TSPAN8: variants seen among roughly 807,000 people sequenced by gnomAD.
TSPAN8 encodes tetraspanin 8.
Under a neutral mutation model 32.8 loss-of-function variants are expected in TSPAN8, and 21 were observed. That is an observed-to-expected ratio of 0.64 (90% CI 0.45 to 0.92). TSPAN8 has a LOEUF of 0.92. Ranked by LOEUF, TSPAN8 falls within the 40% of genes least tolerant of loss-of-function variation. The probability of loss-of-function intolerance (pLI) is 0.00; values close to 1 mark genes in which losing one functional copy is unlikely to be tolerated. For missense variants in TSPAN8, 269 were observed against 281.9 expected, an observed-to-expected ratio of 0.95 and a Z score of 0.33; for synonymous variants, 95 against 94.6, an observed-to-expected ratio of 1.00 and a Z score of -0.03.
chr12:71,157,879 G>A (rs1325612105), intron 1 of TSPAN8, 51 bp downstream of exon 1: 9 of 561,354 alleles, frequency 1.6e-5, no homozygotes, highest in East Asian at 8.4e-5. Flanking sequence ...TTTAAATATC[G>A]CAAAGGCTAT....
At chr12:71,138,521 G>A (rs114199780) in intron 4 of TSPAN8, among the ~76,000 whole-genome samples, 1 of 152,152 alleles carries the variant, frequency 6.6e-6, no homozygotes, top group Non-Finnish European at 1.5e-5. Context: ...ACTTAGATGA[G>A]TTTATTTGAG....
At chr12:71,133,003 TTTACA>T (rs1231086090) in intron 6 of TSPAN8, among the ~76,000 whole-genome samples, 179 bp from the exon 7 acceptor site, 1 of 152,218 alleles carries the variant, frequency 6.6e-6, no homozygotes, top group Admixed American at 6.5e-5. Context: ...CATTTTGATC[TTTACA>T]TTAATGATGG....
At chr12:71,142,852 A>C (rs374884698) in intron 3 of TSPAN8, among the ~76,000 whole-genome samples, 53 of 150,584 alleles carry the variant, frequency 3.5e-4, no homozygotes, top group African/African-American at 1.2e-3. Context: ...AAAAACAAAA[A>C]AAAAAAAAAC....
chr12:71,143,914 G>C (rs1031107798), intron 3 of TSPAN8, among the ~76,000 whole-genome samples: 9 of 151,872 alleles, frequency 5.9e-5, no homozygotes, highest in Admixed American at 5.9e-4. Flanking sequence ...TTGAATTTTT[G>C]AATAACACCT....
chr12:71,126,487 G>C (rs11178639), intron 8 of TSPAN8, among the ~76,000 whole-genome samples: 49,307 of 151,696 alleles, frequency 0.33, 8,884 homozygotes, highest in Non-Finnish European at 0.42. Context: ...AATAGAAGCC[G>C]TCAATTTATC....
chr12:71,136,549 G>A (rs748298268), intron 6 of TSPAN8, among the ~76,000 whole-genome samples: 18 of 152,156 alleles, frequency 1.2e-4, no homozygotes, highest in Non-Finnish European at 2.2e-4. Context: ...TGATGCAAAG[G>A]CAGGAAGGCA....
chr12:71,145,463 A>G (rs1332692348), intron 2 of TSPAN8, among the ~76,000 whole-genome samples: 2 of 152,074 alleles, frequency 1.3e-5, no homozygotes. Flanking sequence ...CTCTTTAACC[A>G]CCAAATAACC....
At chr12:71,145,653 C>A (rs2137056970) in intron 2 of TSPAN8, among the ~76,000 whole-genome samples, 1 of 152,246 alleles carries the variant, frequency 6.6e-6, no homozygotes, top group South Asian at 2.1e-4. Context: ...TTTAGCAGTC[C>A]TTTGTTAAAC....
chr12:71,139,334 CT>C (rs1408169196), intron 4 of TSPAN8: 1 of 447,978 alleles, frequency 2.2e-6, no homozygotes, highest in Non-Finnish European at 4.3e-6. Flanking sequence ...ATCCCATCCC[CT>C]GTCTTGCCCT....
intron 8 of TSPAN8, among the ~76,000 whole-genome samples, chr12:71,127,317 T>A (rs890467353): frequency 2.0e-5 from 3 of 151,918 alleles, no homozygotes; most frequent in African/African-American, 7.3e-5. Context: ...ATAGACTGGG[T>A]GTCAGAAGAC....
At position 71,142,297 on chromosome 12, in the gene TSPAN8, C is replaced by G. The variant is rs186182506; in HGVS notation, c.123+1854G>C. Among the ~76,000 whole-genome samples, 4 of 152,300 alleles carry G rather than the reference C, an allele frequency of 2.6e-5. No homozygotes were observed. The East Asian group carries it at 7.7e-4, about 29-fold the overall frequency. ...AGCTCTATTAATTCATTCTTATCCCCAGATGTGGAGGAGCACCCTCTCAAG... is the reference window on the plus strand; with the variant it reads ...AGCTCTATTAATTCATTCTTATCCCGAGATGTGGAGGAGCACCCTCTCAAG... On this transcript the variant is annotated intron_variant, in intron 3 of 8. Transcript: ENST00000247829.
At chr12:71,147,194 A>G (rs1392208234) in intron 2 of TSPAN8, among the ~76,000 whole-genome samples, 1 of 152,168 alleles carries the variant, frequency 6.6e-6, no homozygotes, top group Non-Finnish European at 1.5e-5. Context: ...TGAAGACCAT[A>G]AAATATCAGG....
At chr12:71,142,657 A>G (rs1293306171) in intron 3 of TSPAN8, among the ~76,000 whole-genome samples, 1 of 152,162 alleles carries the variant, frequency 6.6e-6, no homozygotes, top group Non-Finnish European at 1.5e-5. Flanking sequence ...GTAGAAAACA[A>G]TAAGTGAAAT....
intron 2 of TSPAN8, among the ~76,000 whole-genome samples, chr12:71,146,924 G>T (rs917936035): frequency 6.6e-6 from 1 of 152,098 alleles, no homozygotes; most frequent in South Asian, 2.1e-4. Context: ...TGAAGATGGG[G>T]TTATAATCTG....
chr12:71,155,742 T>C (rs1411457923), intron 2 of TSPAN8, among the ~76,000 whole-genome samples: 1 of 152,014 alleles, frequency 6.6e-6, no homozygotes, highest in Non-Finnish European at 1.5e-5. Flanking sequence ...TAACATTTTT[T>C]TTTTTCTGAG....
chr12:71,152,024 A>C (rs562705610), intron 2 of TSPAN8, among the ~76,000 whole-genome samples: 1 of 152,346 alleles, frequency 6.6e-6, no homozygotes, highest in South Asian at 2.1e-4. Context: ...GTAAATGAAA[A>C]AGCAATTACG....
intron 3 of TSPAN8, among the ~76,000 whole-genome samples, chr12:71,142,707 A>T (rs1871939345): frequency 6.6e-6 from 1 of 152,112 alleles, no homozygotes; most frequent in South Asian, 2.1e-4. Flanking sequence ...TGCCACACCC[A>T]TCTCCCACCC....
intron 6 of TSPAN8, among the ~76,000 whole-genome samples, chr12:71,133,701 C>A (rs1319410307): frequency 2.0e-5 from 3 of 152,012 alleles, no homozygotes; most frequent in African/African-American, 7.2e-5. Context: ...AAGTTACAGT[C>A]CCAGAATAAA....
At chr12:71,153,015 T>G (rs1872307005) in intron 2 of TSPAN8, among the ~76,000 whole-genome samples, 1 of 152,220 alleles carries the variant, frequency 6.6e-6, no homozygotes, top group South Asian at 2.1e-4. Context: ...CTTTACAATT[T>G]GGCTCCTCCC....
Sources: gnomAD v4.1 joint callset for allele counts (sites outside exome capture counted in the v4.1 genomes callset) on GRCh38, gnomAD v4.1.1 for gene constraint, MANE v1.5 for transcripts, NCBI Gene and HGNC (gene_info 2026-07-23, HGNC 2026-07-21) for gene names.